TSPAN17: variants seen among roughly 807,000 people sequenced by gnomAD.
TSPAN17 encodes the protein tetraspanin 17, also known as tetraspanin-17.
In TSPAN17, 33 loss-of-function variants were observed where a neutral mutation model predicts 40.5. That is an observed-to-expected ratio of 0.81 (90% CI 0.62 to 1.09). The LOEUF (loss-of-function observed/expected upper bound fraction) is 1.09, where lower values mean the gene tolerates loss of function less well. TSPAN17 is among the 50% of genes least tolerant of loss of function. TSPAN17 has a pLI of 0.00. For synonymous variants in TSPAN17, 166 were observed against 169.4 expected (o/e 0.98, Z 0.15); for missense variants, 365 against 416.8 (o/e 0.88, Z 1.08).
At chr5:176,653,949 G>T (rs920960858) in intron 4 of TSPAN17, 1 of 152,254 alleles carries the variant, frequency 6.6e-6, no homozygotes, top group African/African-American at 2.4e-5. Flanking sequence ...AAACAAATGT[G>T]TGCATGTACA....
intron 1 of TSPAN17, among the ~76,000 whole-genome samples, chr5:176,648,718 G>A (rs1285920069): frequency 2.6e-5 from 4 of 152,230 alleles, no homozygotes; most frequent in Non-Finnish European, 4.4e-5. Context: ...CCTTGGGCAA[G>A]TCATCTCTCC....
chr5:176,647,500 G>T lies in TSPAN17; in HGVS notation c.-116G>T. On this transcript the variant is annotated 5_prime_UTR_variant, in exon 1 of 9. Coordinates refer to ENST00000508164, the MANE Select transcript of TSPAN17 (RefSeq NM_130465.5). ...CCGACCGGCGCTCTGTGTGGCCGAG[G>T]CCATGAAGCCGCAGCCGCCCGGCTA... 1.5e-6 allele frequency: 1 copy of T among 664,758 alleles called. No homozygotes were observed. The highest frequency in any genetic ancestry group is 2.2e-6 in the Non-Finnish European group (1 of 450,602). 41.2% of individuals were successfully genotyped at this position (664,758 alleles called of 1,614,324 possible). A position where few individuals can be genotyped will look rare whatever the true frequency, so the allele number is the denominator to read the frequency against.
chr5:176,656,062 G>C lies in TSPAN17; in HGVS notation c.583-16G>C. ...TGCGTCCTCACCAAGTCACTAACTG[G>C]CCTGTCTCCCCTCAGGAGGATGTCC... On this transcript the variant is annotated splice_polypyrimidine_tract_variant and intron_variant, in intron 5 of 8. Transcript: ENST00000508164. The C allele has an allele frequency of 6.2e-7, 1 of 1,614,040 alleles. No homozygotes were observed. The highest frequency in any genetic ancestry group is 8.5e-7 in the Non-Finnish European group (1 of 1,179,920).
intron 1 of TSPAN17, 110 bp downstream of exon 1, chr5:176,647,812 C>T: frequency 9.3e-7 from 1 of 1,077,990 alleles, no homozygotes; most frequent in Non-Finnish European, 1.3e-6. Flanking sequence ...GAGCTCGGGA[C>T]CATCCCCCCA....
At position 176,650,429 on chromosome 5, in the gene TSPAN17, C is replaced by T. The variant is rs1457592313; in HGVS notation, c.88-1187C>T. 6.6e-6 allele frequency among the ~76,000 whole-genome samples: 1 copy of T among 152,136 alleles called. No individual in the cohort carries two copies. Among genetic ancestry groups the T allele is most frequent in the Non-Finnish European group, 1.5e-5 (1 of 68,026 alleles). On this transcript the variant is annotated intron_variant, in intron 1 of 8. Coordinates refer to ENST00000508164, the MANE Select transcript of TSPAN17 (RefSeq NM_130465.5). This position sits in a 1 kb window ranked among gnomAD's most constrained non-coding sequence, Gnocchi z 4.0. Reference sequence around the variant, plus strand: ...TGGCTCTGATTGGCTGCCTCTGGACCAATCCCCGGGGCAGGTGAAGGCGGA... The same window carrying T: ...TGGCTCTGATTGGCTGCCTCTGGACTAATCCCCGGGGCAGGTGAAGGCGGA...
chr5:176,649,906 A>G (rs1760898902), intron 1 of TSPAN17, among the ~76,000 whole-genome samples: 1 of 152,084 alleles, frequency 6.6e-6, no homozygotes, highest in African/African-American at 2.4e-5. Flanking sequence ...TTCATCATTC[A>G]AACCTCAGCT....
chr5:176,651,879 G>A lies in TSPAN17; in HGVS notation c.264G>A (p.Glu88=), dbSNP rs1581194346. 2 of 1,614,084 alleles carry A rather than the reference G, an allele frequency of 1.2e-6. No homozygotes were observed. Among genetic ancestry groups the A allele is most frequent in the Non-Finnish European group, 1.7e-6 (2 of 1,180,008 alleles). Residue 88 remains glutamate, a synonymous_variant, in exon 3 of 9, where the codon GAG becomes GAA. Transcript: ENST00000508164. This position sits in a 1 kb window ranked among gnomAD's most constrained non-coding sequence, Gnocchi z 4.5. The part of the protein sequence containing the change: ...GFAGCIGALR[E]NTFLLKFFSV... ...CTGGCTGCATTGGGGCCCTCCGGGA[G>A]AACACCTTCCTGCTCAAGTTTGTGA...
intron 3 of TSPAN17, among the ~76,000 whole-genome samples, chr5:176,652,541 A>G (rs765487293): frequency 6.6e-6 from 1 of 152,138 alleles, no homozygotes; most frequent in Non-Finnish European, 1.5e-5. Context: ...ATTACCAGAC[A>G]AAGGGAATTG....
chr5:176,652,894 T>C lies in TSPAN17; in HGVS notation c.437T>C (p.Ile146Thr), dbSNP rs755066903. ...YRDDIDLQNL[I>T]DFAQEYWSCC... is the part of the protein sequence containing the mutation. ...GACGACATTGACCTCCAGAACCTCA[T>C]TGACTTTGCTCAGGAATACGTGAGT... is the stretch of plus-strand genomic sequence containing the variant. The change falls in exon 4 of 9, where the codon ATT becomes ACT. Residue 146 changes from isoleucine to threonine, a missense_variant. Coordinates refer to ENST00000508164, the MANE Select transcript of TSPAN17 (RefSeq NM_130465.5). 9 of 1,614,150 alleles carry C rather than the reference T, an allele frequency of 5.6e-6. No homozygotes were observed. The South Asian group carries it at 7.7e-5, about 14-fold the overall frequency.
At chr5:176,657,318 T>G in intron 8 of TSPAN17, 200 bp from the exon 9 acceptor site, 15 of 932,982 alleles carry the variant, frequency 1.6e-5, no homozygotes, top group African/African-American at 1.4e-4. Context: ...GTCCCCCCCG[T>G]TCCCTGCCCC....
chr5:176,656,774 G>T lies in TSPAN17; in HGVS notation c.705G>T (p.Leu235=). ...TTGAGAAGTGGCTGCAGGACAACCT[G>T]ATTGTGGTGGCGGGAGTCTTCATGG... ...GQFEKWLQDN[L]IVVAGVFMGI... The change falls in exon 7 of 9, where the codon CTG becomes CTT. Residue 235 remains leucine (L), a synonymous_variant. Coordinates refer to ENST00000508164, the MANE Select transcript of TSPAN17 (RefSeq NM_130465.5). 6.2e-7 allele frequency: 1 copy of T among 1,614,216 alleles called. No homozygotes were observed. Among genetic ancestry groups the T allele is most frequent in the South Asian group, 1.1e-5 (1 of 91,088 alleles).
At position 176,651,026 on chromosome 5, in the gene TSPAN17, C is replaced by A. The variant is rs1760944283; in HGVS notation, c.88-590C>A. Reference sequence around the variant, plus strand: ...CATGGGGCAAAGCCACTGGCACAGGCCAGATCCTAGGTGGATCCTGCTAGG... The same window carrying A: ...CATGGGGCAAAGCCACTGGCACAGGACAGATCCTAGGTGGATCCTGCTAGG... On this transcript the variant is annotated intron_variant, in intron 1 of 8. Coordinates refer to ENST00000508164, the MANE Select transcript of TSPAN17 (RefSeq NM_130465.5). The surrounding 1 kb of genome is among the most constrained non-coding windows in gnomAD (Gnocchi z 4.5). 6.6e-6 allele frequency among the ~76,000 whole-genome samples: 1 copy of A among 152,184 alleles called. No homozygotes were observed. Among genetic ancestry groups the A allele is most frequent in the Non-Finnish European group, 1.5e-5 (1 of 68,028 alleles).
At position 176,654,923 on chromosome 5, in the gene TSPAN17, A is replaced by G. The variant is rs115220475; in HGVS notation, c.485A>G (p.Asn162Ser). 4.9e-4 allele frequency: 795 copies of G among 1,613,910 alleles called. 4 individuals carry two copies. The African/African-American group carries it at 7.4e-3, about 15-fold the overall frequency. The change falls in exon 5 of 9, where the codon AAT (asparagine) becomes AGT (serine). Residue 162 changes from asparagine (N) to serine (S), a missense_variant. Transcript: ENST00000508164. The surrounding 1 kb of genome is among the most constrained non-coding windows in gnomAD (Gnocchi z 4.3). ...YWSCCGARGPNDWNLNIYFNC... is the reference protein window; with the variant it reads ...YWSCCGARGPSDWNLNIYFNC... ...TCTTGCTGCGGAGCCCGAGGCCCCAATGACTGGAACCTCAATATCTACTTC... is the reference window on the plus strand; with the variant it reads ...TCTTGCTGCGGAGCCCGAGGCCCCAGTGACTGGAACCTCAATATCTACTTC...
In TSPAN17 at chr5:176,656,936, C is replaced by G. The variant is rs1381760705; in HGVS notation, c.789C>G (p.Ile263Met). Residue 263 changes from isoleucine (I) to methionine (M), a missense_variant, in exon 8 of 9, where the codon ATC becomes ATG. Ile to Met is a conservative substitution (Grantham distance 10). Transcript: ENST00000508164. ...ICLAQNLVSDIKAVKANWSKW... is the reference protein window; with the variant it reads ...ICLAQNLVSDMKAVKANWSKW... ...TGGCCCAGAACCTCGTGAGTGACAT[C>G]AAGGCAGTGAAAGCCAACTGGTGAG... 1 of 1,613,878 alleles carries G rather than the reference C, an allele frequency of 6.2e-7. No homozygotes were observed. The highest frequency in any genetic ancestry group is 1.3e-5 in the African/African-American group (1 of 74,932).
rs1252516395 is a variant in TSPAN17 at position 176,654,235 on chromosome 5, C to T, written c.457-660C>T. Reference sequence around the variant, plus strand: ...GGGCCTGCCTGTGTCTGCTGCCGAGCTTGAGCTCCCCCAGCCCTGTGGGCT... The same window carrying T: ...GGGCCTGCCTGTGTCTGCTGCCGAGTTTGAGCTCCCCCAGCCCTGTGGGCT... On this transcript the variant is annotated intron_variant, in intron 4 of 8. Coordinates refer to ENST00000508164, the MANE Select transcript of TSPAN17 (RefSeq NM_130465.5). This position sits in a 1 kb window ranked among gnomAD's most constrained non-coding sequence, Gnocchi z 4.3. 1 of 152,964 alleles carries T rather than the reference C, an allele frequency of 6.5e-6. No individual in the cohort carries two copies. The highest frequency in any genetic ancestry group is 1.9e-4 in the East Asian group (1 of 5,190). 9.5% of individuals were successfully genotyped at this position (152,964 alleles called of 1,614,324 possible).
rs1285091367 is a variant in TSPAN17 at position 176,650,067 on chromosome 5, G to T, written c.88-1549G>T. ...CACTGACTGTCCATCTCCCCTGCTGGAGTGTAAGCTCCGTGAGGGTCGAGT... is the reference window on the plus strand; with the variant it reads ...CACTGACTGTCCATCTCCCCTGCTGTAGTGTAAGCTCCGTGAGGGTCGAGT... On this transcript the variant is annotated intron_variant, in intron 1 of 8. Transcript: ENST00000508164. The surrounding 1 kb of genome is among the most constrained non-coding windows in gnomAD (Gnocchi z 4.0). Among the ~76,000 whole-genome samples, 1 of 152,202 alleles carries T rather than the reference G, an allele frequency of 6.6e-6. No homozygotes were observed. Among genetic ancestry groups the T allele is most frequent in the Non-Finnish European group, 1.5e-5 (1 of 68,042 alleles).
At chr5:176,652,604 A>C in intron 3 of TSPAN17, 139 bp from the exon 4 acceptor site, 1 of 744,432 alleles carries the variant, frequency 1.3e-6, no homozygotes. Flanking sequence ...ATACTAAAAT[A>C]ATAGAAGGTG....
chr5:176,657,854 G>T lies in TSPAN17; in HGVS notation c.*156G>T. The stretch of plus-strand genomic sequence containing the variant: ...CTCACCTAAGTGCCGCCTGACCCTT[G>T]TACACTAGGAGCTGGCCTCCCACCT... On this transcript the variant is annotated 3_prime_UTR_variant, in exon 9 of 9. Coordinates refer to ENST00000508164, the MANE Select transcript of TSPAN17 (RefSeq NM_130465.5). The T allele has an allele frequency of 7.4e-7, 1 of 1,357,692 alleles. No homozygotes were observed. The highest frequency in any genetic ancestry group is 9.8e-7 in the Non-Finnish European group (1 of 1,024,332). The allele number at this position is 1,357,692 out of a possible 1,614,324, so 84.1% of individuals were successfully genotyped here.
chr5:176,647,763 C>A, intron 1 of TSPAN17, 61 bp downstream of exon 1: 1 of 1,468,582 alleles, frequency 6.8e-7, no homozygotes, highest in Non-Finnish European at 9.2e-7. Context: ...GAGATTCAGT[C>A]TTTTGCTGGG....
Sources: allele counts gnomAD v4.1 joint callset (sites outside exome capture counted in the v4.1 genomes callset), GRCh38; gene constraint gnomAD v4.1.1; non-coding constraint Gnocchi (gnomAD v3.1); transcripts MANE v1.5; gene names NCBI Gene and HGNC (gene_info 2026-07-23, HGNC 2026-07-21).